The following ZNF475 variants were observed in gnomAD, a reference collection of about 807,000 sequenced individuals.
The protein encoded by ZNF475 is zinc finger protein 475.
At chr5:122,168,572 G>T in the ZNF475 span, among the ~76,000 whole-genome samples, 2,318 of 152,258 alleles carry the variant, frequency 0.015, 57 homozygotes, top group African/African-American at 0.053. Context: ...AATTAGCCAG[G>T]CATGGCGGCC....
the ZNF475 span, chr5:122,182,563 G>C: frequency 6.5e-7 from 1 of 1,535,444 alleles, no homozygotes; most frequent in Non-Finnish European, 8.7e-7. Flanking sequence ...TTGGTTCCCT[G>C]TAATGTTTGT....
At chr5:122,168,344 A>G in the ZNF475 span, among the ~76,000 whole-genome samples, 2 of 129,112 alleles carry the variant, frequency 1.5e-5, no homozygotes, top group African/African-American at 4.3e-5. Context: ...GGCCACATTC[A>G]TGGTTTTTTT....
chr5:122,160,397 A>T, the ZNF475 span: 1 of 561,796 alleles, frequency 1.8e-6, no homozygotes. Flanking sequence ...CAACAGCCTC[A>T]TGAGTGAAAT....
chr5:122,165,757 C>T, the ZNF475 span, among the ~76,000 whole-genome samples: 1 of 131,424 alleles, frequency 7.6e-6, no homozygotes, highest in Non-Finnish European at 1.5e-5. Context: ...GATGATGCAA[C>T]CTACAAAAAA....
At chr5:122,168,546 A>G in the ZNF475 span, among the ~76,000 whole-genome samples, 1 of 152,188 alleles carries the variant, frequency 6.6e-6, no homozygotes, top group Admixed American at 6.5e-5. Context: ...CCCCGTCTCT[A>G]CTAAAAATAC....
chr5:122,177,696 T>C, the ZNF475 span, among the ~76,000 whole-genome samples: 3 of 152,186 alleles, frequency 2.0e-5, no homozygotes, highest in African/African-American at 7.2e-5. Context: ...AAATGTGGTA[T>C]AATTTTAAAA....
At chr5:122,163,937 A>G in the ZNF475 span, among the ~76,000 whole-genome samples, 1 of 150,810 alleles carries the variant, frequency 6.6e-6, no homozygotes, top group Non-Finnish European at 1.5e-5. Flanking sequence ...TCAATGTGAC[A>G]ATCTCTGTGT....
At chr5:122,179,660 T>C in the ZNF475 span, 9 of 1,535,066 alleles carry the variant, frequency 5.9e-6, no homozygotes, top group Non-Finnish European at 4.4e-6. Context: ...AATGGCATAA[T>C]GAAAACAACT....
the ZNF475 span, chr5:122,162,438 C>A: frequency 3.9e-5 from 6 of 152,308 alleles, no homozygotes; most frequent in Non-Finnish European, 7.4e-5. Flanking sequence ...TCTAGACAAT[C>A]AAACTCTGCA....
At chr5:122,170,493 A>G in the ZNF475 span, among the ~76,000 whole-genome samples, 13 of 152,312 alleles carry the variant, frequency 8.5e-5, no homozygotes, top group Non-Finnish European at 1.6e-4. Context: ...AATGATACAG[A>G]TGAACAGCCA....
At chr5:122,174,571 A>T in the ZNF475 span, among the ~76,000 whole-genome samples, 2 of 152,226 alleles carry the variant, frequency 1.3e-5, no homozygotes, top group African/African-American at 4.8e-5. Context: ...AGAAAATGTA[A>T]TATAGAACAT....
the ZNF475 span, among the ~76,000 whole-genome samples, chr5:122,166,901 G>C: frequency 4.6e-5 from 7 of 152,256 alleles, no homozygotes; most frequent in Middle Eastern, 3.4e-3. Flanking sequence ...CTAGATCCTT[G>C]AGGAATCGCC....
the ZNF475 span, among the ~76,000 whole-genome samples, chr5:122,170,113 G>A: frequency 4.6e-4 from 70 of 152,272 alleles, no homozygotes; most frequent in Admixed American, 1.3e-3. Flanking sequence ...TTGGAATAAC[G>A]TAACTTAAAG....
the ZNF475 span, among the ~76,000 whole-genome samples, chr5:122,178,356 C>T: frequency 9.2e-5 from 14 of 152,330 alleles, no homozygotes; most frequent in Middle Eastern, 0.014. Context: ...TTTATACTTG[C>T]ACCAACAGTG....
At chr5:122,178,959 G>T in the ZNF475 span, among the ~76,000 whole-genome samples, 5 of 152,142 alleles carry the variant, frequency 3.3e-5, no homozygotes. Flanking sequence ...CATATGGCTA[G>T]CCAGTTTTCC....
chr5:122,169,031 G>A, the ZNF475 span, among the ~76,000 whole-genome samples: 10 of 152,168 alleles, frequency 6.6e-5, no homozygotes, highest in Non-Finnish European at 1.3e-4. Context: ...GTTTTCTCAA[G>A]GTCTAACCAC....
chr5:122,161,540 C>CT, the ZNF475 span, among the ~76,000 whole-genome samples: 4 of 152,210 alleles, frequency 2.6e-5, no homozygotes, highest in South Asian at 2.1e-4. Context: ...AGGAAAATTC[C>CT]TTTTTTTGGC....
At chr5:122,173,048 A>G in the ZNF475 span, among the ~76,000 whole-genome samples, 1 of 152,116 alleles carries the variant, frequency 6.6e-6, no homozygotes, top group African/African-American at 2.4e-5. Context: ...AAAAAAAAGA[A>G]ATGAACAAAT....
the ZNF475 span, among the ~76,000 whole-genome samples, chr5:122,166,543 C>T: frequency 6.6e-6 from 1 of 152,122 alleles, no homozygotes; most frequent in Non-Finnish European, 1.5e-5. Context: ...CACCCTGTGT[C>T]CAAATGTTCT....
Sources: gnomAD v4.1 joint callset for allele counts (sites outside exome capture counted in the v4.1 genomes callset) on GRCh38, gnomAD v4.1.1 for gene constraint, MANE v1.5 for transcripts, NCBI Gene and HGNC (gene_info 2026-07-23, HGNC 2026-07-21) for gene names.